The following NPHP3 variants were observed in gnomAD, a reference collection of about 807,000 sequenced individuals.
NPHP3 encodes the protein nephrocystin 3.
Under a neutral mutation model 171.9 loss-of-function variants are expected in NPHP3, and 123 were observed. That is an observed-to-expected ratio of 0.72 (90% CI 0.62 to 0.83). NPHP3 has a LOEUF of 0.83. Among genes scored for constraint, NPHP3 ranks in the 40% least tolerant of loss-of-function variants. The pLI is 0.00. For missense variants in NPHP3, 1,506 were observed against 1,591.9 expected (o/e 0.95, Z 0.92); for synonymous variants, 558 against 579.2 (o/e 0.96, Z 0.52).
chr3:132,704,577 G>A (rs181231873), intron 8 of NPHP3, among the ~76,000 whole-genome samples: 11 of 152,116 alleles, frequency 7.2e-5, no homozygotes, highest in Admixed American at 2.0e-4. Flanking sequence ...TAAAATAATA[G>A]AAATGAATAC....
At chr3:132,711,141 T>A (rs1252101701) in intron 6 of NPHP3, among the ~76,000 whole-genome samples, 2 of 152,192 alleles carry the variant, frequency 1.3e-5, no homozygotes, top group Non-Finnish European at 2.9e-5. Context: ...ATTCATCTTT[T>A]GGGAAGGATG....
At chr3:132,697,495 C>A (rs1939485590) in intron 13 of NPHP3, 133 bp from the exon 14 acceptor site, 1 of 635,376 alleles carries the variant, frequency 1.6e-6, no homozygotes, top group South Asian at 1.8e-5. Context: ...AAACTAATGT[C>A]TATTAATCAT....
intron 18 of NPHP3, 81 bp downstream of exon 18, chr3:132,691,111 G>A: frequency 3.8e-6 from 4 of 1,066,208 alleles, no homozygotes; most frequent in South Asian, 1.3e-5. Context: ...ACTTTAAGTT[G>A]TAAGCTAAGA....
chr3:132,714,586 G>T (rs915896284), intron 5 of NPHP3, among the ~76,000 whole-genome samples: 2 of 151,762 alleles, frequency 1.3e-5, no homozygotes, highest in Non-Finnish European at 2.9e-5. Context: ...TAAATTAGCC[G>T]TATGTGGTGG....
At position 132,680,834 on chromosome 3, in the gene NPHP3, G is replaced by A. The variant is rs1939005745; in HGVS notation, c.*1076C>T. Reference sequence around the variant, plus strand: ...AATGGCATACTAATTTGAGTTTGAGGTAAATGAAGAGACAGATTTAGGCCA... The same window carrying A: ...AATGGCATACTAATTTGAGTTTGAGATAAATGAAGAGACAGATTTAGGCCA... On this transcript the variant is annotated 3_prime_UTR_variant, in exon 27 of 27. Transcript: ENST00000337331. The A allele has an allele frequency of 6.6e-6, 1 of 152,150 alleles. No individual in the cohort carries two copies. The highest frequency in any genetic ancestry group is 1.5e-5 in the Non-Finnish European group (1 of 68,022). The allele number at this position is 152,150 out of a possible 1,614,324, so 9.4% of individuals were successfully genotyped here. A position where few individuals can be genotyped will look rare whatever the true frequency, so the allele number is the denominator to read the frequency against.
In NPHP3 at chr3:132,682,077, C is replaced by A. The variant is rs1415766592; in HGVS notation, c.3826G>T (p.Asp1276Tyr). Residue 1276 changes from aspartate (D) to tyrosine (Y), a missense_variant, in exon 27 of 27, where the codon GAT (aspartate) becomes TAT (tyrosine). Physicochemically the swap from Asp to Tyr is radical, Grantham distance 160. Transcript: ENST00000337331. ...NLAVLSYEGG[D>Y]FEKAAELYKR... ...TATAATTCAGCAGCTTTTTCAAAAT[C>A]TCCTCCTTCATAGCTTTGAGAGAGA... 1 of 1,613,848 alleles carries A rather than the reference C, an allele frequency of 6.2e-7. No individual in the cohort carries two copies.
In NPHP3 at chr3:132,694,984, G is replaced by T. The variant is rs759217005; in HGVS notation, c.2172-19C>A. On this transcript the variant is annotated intron_variant, in intron 15 of 26. Transcript: ENST00000337331. ...CCCAGCACTGTTGGAATCGAGAAGA[G>T]ATTTAATTTCTTACAGATTGCCAAC... 7 of 1,612,646 alleles carry T rather than the reference G, an allele frequency of 4.3e-6. No individual in the cohort carries two copies. In the Admixed American group the frequency reaches 1.2e-4, roughly 27 times the overall value.
intron 3 of NPHP3, among the ~76,000 whole-genome samples, chr3:132,717,570 T>C (rs1940087150): frequency 6.6e-6 from 1 of 152,178 alleles, no homozygotes; most frequent in African/African-American, 2.4e-5. Flanking sequence ...CAAGTGTTCC[T>C]TCTTCATGTT....
intron 22 of NPHP3, 84 bp from the exon 23 acceptor site, chr3:132,686,471 A>G: frequency 6.4e-7 from 1 of 1,551,890 alleles, no homozygotes; most frequent in Non-Finnish European, 8.9e-7. Context: ...GTCCTAAAAA[A>G]TCTTCCTTTT....
rs117447640 is a variant in NPHP3 at position 132,684,443 on chromosome 3, A to G, written c.3570+111T>C. 1.2e-3 allele frequency: 1,226 copies of G among 1,037,474 alleles called. 19 individuals are homozygous for G. The East Asian group carries it at 0.026, about 22-fold the overall frequency. The allele number at this position is 1,037,474 out of a possible 1,614,324, so 64.3% of individuals were successfully genotyped here. ...TGTTAAAAGTTAAATCATGATTTTT[A>G]AAGCTCATATAAACTAACCTGTCCC... On this transcript the variant is annotated intron_variant, in intron 24 of 26. Coordinates refer to ENST00000337331, the MANE Select transcript of NPHP3 (RefSeq NM_153240.5).
rs764675968 is a variant in NPHP3 at position 132,716,934 on chromosome 3, T to G, written c.671-25A>C. On this transcript the variant is annotated intron_variant, in intron 3 of 26. Transcript: ENST00000337331. ...GCTGTTCAGCAAGAGATTTTTATCT[T>G]GTGAAAGCCAACTTATTGAATGTTC... 2.5e-6 allele frequency: 4 copies of G among 1,611,778 alleles called. No homozygotes were observed. In the South Asian group the frequency reaches 4.4e-5, roughly 18 times the overall value.
intron 18 of NPHP3, among the ~76,000 whole-genome samples, 194 bp from the exon 19 acceptor site, chr3:132,690,844 G>T (rs1280601388): frequency 6.6e-6 from 1 of 151,954 alleles, no homozygotes; most frequent in Non-Finnish European, 1.5e-5. Flanking sequence ...GTGATATGCA[G>T]AACCATCAAC....
rs146250226 is a variant in NPHP3, at chr3:132,713,162, G to C, written c.1082C>G (p.Ser361Cys). 6.2e-5 allele frequency: 93 copies of C among 1,501,520 alleles called. No homozygotes were observed. In the East Asian group the frequency reaches 2.0e-3, roughly 32 times the overall value. The allele number at this position is 1,501,520 out of a possible 1,614,324, so 93.0% of individuals were successfully genotyped here. The change falls in exon 6 of 27, where the codon TCT becomes TGT. Residue 361 changes from serine (S) to cysteine (C), a missense_variant. Ser to Cys is a moderately radical substitution (Grantham distance 112). This residue lies in a region of NPHP3 where 930 missense variants were observed against 924.9 expected (regional missense o/e 1.01). Transcript: ENST00000337331. Reference protein sequence around the residue: ...TVRKWEIEKSSLVILFIHLTL... With the variant: ...TVRKWEIEKSCLVILFIHLTL... ...TAAGTGAATAAATAAAATAACTAAA[G>C]AACTTTTCTCAATTTCCCATTTTCT...
chr3:132,688,817 C>G lies in NPHP3; in HGVS notation c.2958G>C (p.Gln986His). 1 of 1,614,100 alleles carries G rather than the reference C, an allele frequency of 6.2e-7. No individual in the cohort carries two copies. Among genetic ancestry groups the G allele is most frequent in the South Asian group, 1.1e-5 (1 of 91,078 alleles). Reference sequence around the variant, plus strand: ...ATACACTTGCTAGTTGGTGGAGGGACTGGGCTACTCTTGGGTGATCGGGAT... The same window carrying G: ...ATACACTTGCTAGTTGGTGGAGGGAGTGGGCTACTCTTGGGTGATCGGGAT... ...ALDPDHPRVAQSLHQLASVYV... is the reference protein window; with the variant it reads ...ALDPDHPRVAHSLHQLASVYV... The change falls in exon 21 of 27, where the codon CAG (glutamine) becomes CAC (histidine). Residue 986 changes from glutamine (Q) to histidine (H), a missense_variant. Gln to His is a conservative substitution (Grantham distance 24, BLOSUM62 0). This residue lies in a region of NPHP3 where 569 missense variants were observed against 648.1 expected (regional missense o/e 0.88). Coordinates refer to ENST00000337331, the MANE Select transcript of NPHP3 (RefSeq NM_153240.5).
intron 9 of NPHP3, 127 bp downstream of exon 9, chr3:132,704,071 A>G: frequency 1.1e-6 from 1 of 945,262 alleles, no homozygotes; most frequent in Non-Finnish European, 1.7e-6. Flanking sequence ...CAACATGGAT[A>G]ATCAAGCCAT....
rs753335315 is a variant in NPHP3 at position 132,716,834 on chromosome 3, A to C, written c.746T>G (p.Leu249Arg). The change falls in exon 4 of 27, where the codon CTT becomes CGT. Residue 249 changes from leucine to arginine, a missense_variant. Coordinates refer to ENST00000337331, the MANE Select transcript of NPHP3 (RefSeq NM_153240.5). ...CTCAGGGCCTCTGAAGGACTGCTGA[A>C]GCTGGATCATGCTTCCTATGGAAGG... ...SEPSIGSMIQ[L>R]QQSFRGPEFA... 2 of 1,614,092 alleles carry C rather than the reference A, an allele frequency of 1.2e-6. No homozygotes were observed. The highest frequency in any genetic ancestry group is 1.1e-5 in the South Asian group (1 of 91,088).
chr3:132,696,597 G>C, intron 15 of NPHP3, 134 bp downstream of exon 15: 1 of 774,800 alleles, frequency 1.3e-6, no homozygotes, highest in South Asian at 1.4e-5. Context: ...ACAAATGTTA[G>C]TATCACTATT....
At chr3:132,720,951 T>C (rs2108005504) in intron 1 of NPHP3, among the ~76,000 whole-genome samples, 1 of 151,974 alleles carries the variant, frequency 6.6e-6, no homozygotes, top group East Asian at 1.9e-4. Context: ...GGAGTCTCGC[T>C]CTGTCACCCA....
chr3:132,691,846 A>G (rs569430582), intron 17 of NPHP3, among the ~76,000 whole-genome samples: 1 of 152,356 alleles, frequency 6.6e-6, no homozygotes, highest in Admixed American at 6.5e-5. Flanking sequence ...ATAAACTGCC[A>G]AAGTCCGCCT....
Sources: gnomAD v4.1 joint callset for allele counts (sites outside exome capture counted in the v4.1 genomes callset) on GRCh38, gnomAD v4.1.1 for gene constraint, gnomAD v4.1.1 regional missense constraint, MANE v1.5 for transcripts, NCBI Gene and HGNC (gene_info 2026-07-23, HGNC 2026-07-21) for gene names.